MDFIC2: variants seen among roughly 807,000 people sequenced by gnomAD.
MDFIC2 encodes myoD family inhibitor domain-containing protein 2.
At chr3:70,293,240 C>G in intron 2 of MDFIC2, among the ~76,000 whole-genome samples, 1 of 151,778 alleles carries the variant, frequency 6.6e-6, no homozygotes, top group East Asian at 1.9e-4. Flanking sequence ...GAATAATGTT[C>G]TTAAATGCAT....
At chr3:70,296,196 A>C (rs540267501) in intron 2 of MDFIC2, among the ~76,000 whole-genome samples, 128 of 152,314 alleles carry the variant, frequency 8.4e-4, no homozygotes, top group African/African-American at 2.2e-3. Context: ...TACCCATATC[A>C]CTAACCATAG....
chr3:70,246,568 A>G (rs2106646608), intron 2 of MDFIC2, among the ~76,000 whole-genome samples: 1 of 152,222 alleles, frequency 6.6e-6, no homozygotes, highest in East Asian at 1.9e-4. Context: ...ATAATGAATC[A>G]GTTGTTAGTA....
intron 2 of MDFIC2, among the ~76,000 whole-genome samples, chr3:70,256,050 T>A (rs909529857): frequency 1.2e-4 from 18 of 152,332 alleles, no homozygotes; most frequent in African/African-American, 3.8e-4. Flanking sequence ...ATTATTTTTT[T>A]GATACACATA....
At chr3:70,271,533 G>A (rs1269234086) in intron 2 of MDFIC2, among the ~76,000 whole-genome samples, 1 of 152,062 alleles carries the variant, frequency 6.6e-6, no homozygotes, top group East Asian at 1.9e-4. Context: ...CATCACCCTG[G>A]CCTTGCAAAT....
chr3:70,204,747 G>A (rs1471536527), intron 3 of MDFIC2: 1 of 151,768 alleles, frequency 6.6e-6, no homozygotes, highest in African/African-American at 2.4e-5. Context: ...ACAAGAGTTA[G>A]GTGTCATGCT....
chr3:70,243,564 C>T (rs1005585606), intron 2 of MDFIC2, among the ~76,000 whole-genome samples: 5 of 152,224 alleles, frequency 3.3e-5, no homozygotes, highest in Middle Eastern at 3.4e-3. Context: ...TCTGCACTAT[C>T]GTCATTTTGG....
intron 2 of MDFIC2, among the ~76,000 whole-genome samples, chr3:70,292,203 GATA>G (rs1444107097): frequency 2.6e-5 from 4 of 152,288 alleles, no homozygotes; most frequent in African/African-American, 7.2e-5. Flanking sequence ...ATGAATTGGA[GATA>G]ATAATACCAC....
intron 3 of MDFIC2, among the ~76,000 whole-genome samples, chr3:70,199,154 G>A (rs1028055968): frequency 1.3e-5 from 2 of 152,134 alleles, no homozygotes; most frequent in Non-Finnish European, 2.9e-5. Context: ...ATACATGCAA[G>A]GTTAAAAGTT....
chr3:70,285,188 C>A lies in MDFIC2; in HGVS notation c.88+26698G>T, dbSNP rs534544376. Among the ~76,000 whole-genome samples, 166 of 147,404 alleles carry A rather than the reference C, an allele frequency of 1.1e-3. 1 individual carries two copies. The highest frequency in any genetic ancestry group is 4.0e-3 in the African/African-American group (160 of 39,960). ...TGTCATCTAGCATTAGGTATACCTC[C>A]CAATGCTATCCCTCCCCCCTCCCCC... On this transcript the variant is annotated intron_variant, in intron 2 of 3. Transcript: ENST00000567252.
chr3:70,264,403 G>C (rs536961092), intron 2 of MDFIC2, among the ~76,000 whole-genome samples: 82 of 152,224 alleles, frequency 5.4e-4, no homozygotes, highest in African/African-American at 1.9e-3. Context: ...ACAGCAACAG[G>C]GCTTATCCAA....
chr3:70,230,596 GTTTATTA>G (rs1701549106), intron 2 of MDFIC2, among the ~76,000 whole-genome samples: 1 of 152,062 alleles, frequency 6.6e-6, no homozygotes, highest in South Asian at 2.1e-4. Context: ...TCTACTTATT[GTTTATTA>G]TTTAAAAACT....
intron 2 of MDFIC2, among the ~76,000 whole-genome samples, chr3:70,208,382 C>A (rs536170615): frequency 1.3e-5 from 2 of 152,106 alleles, no homozygotes; most frequent in African/African-American, 2.4e-5. Flanking sequence ...CTTTATTTCC[C>A]TTTCCAAGGT....
chr3:70,304,971 G>A (rs892479940), intron 2 of MDFIC2, among the ~76,000 whole-genome samples: 2 of 151,480 alleles, frequency 1.3e-5, no homozygotes, highest in Admixed American at 1.3e-4. Context: ...TGCACAGGCT[G>A]TTCTCTCCAA....
At chr3:70,253,973 A>T (rs1019830974) in intron 2 of MDFIC2, among the ~76,000 whole-genome samples, 2 of 152,212 alleles carry the variant, frequency 1.3e-5, no homozygotes, top group African/African-American at 4.8e-5. Context: ...GGCATAATAT[A>T]GCTAGCTCAG....
At chr3:70,246,279 C>T (rs1038599734) in intron 2 of MDFIC2, among the ~76,000 whole-genome samples, 1 of 152,038 alleles carries the variant, frequency 6.6e-6, no homozygotes, top group Non-Finnish European at 1.5e-5. Context: ...GGATAAAGGT[C>T]ACACTTTGTT....
In MDFIC2 at chr3:70,267,631, T is replaced by C. The variant is rs189544480; in HGVS notation, c.88+44255A>G. On this transcript the variant is annotated intron_variant, in intron 2 of 3. Coordinates refer to ENST00000567252, the MANE Select transcript of MDFIC2 (RefSeq NM_001364677.1). ...CGGGGTTTCACCCTGTTAGCCAGAATGGTCTTGACCTCCTGACCTCGAGGT... is the reference window on the plus strand; with the variant it reads ...CGGGGTTTCACCCTGTTAGCCAGAACGGTCTTGACCTCCTGACCTCGAGGT... 4.1e-5 allele frequency among the ~76,000 whole-genome samples: 6 copies of C among 146,716 alleles called. No homozygotes were observed. The East Asian group carries it at 1.0e-3, about 25-fold the overall frequency.
intron 3 of MDFIC2, chr3:70,204,904 G>A (rs1225808687): frequency 1.3e-5 from 2 of 152,056 alleles, no homozygotes; most frequent in Admixed American, 1.3e-4. Flanking sequence ...CACATGATGA[G>A]TAGCATCCAC....
chr3:70,230,315 T>C (rs952994315), intron 2 of MDFIC2, among the ~76,000 whole-genome samples: 2 of 152,166 alleles, frequency 1.3e-5, no homozygotes, highest in Non-Finnish European at 2.9e-5. Flanking sequence ...AGGAGATTCA[T>C]TTCACTGCAA....
intron 3 of MDFIC2, among the ~76,000 whole-genome samples, chr3:70,200,385 C>A (rs1171191800): frequency 6.6e-6 from 1 of 152,166 alleles, no homozygotes; most frequent in Non-Finnish European, 1.5e-5. Context: ...ACTTCTGGAC[C>A]TACTTTACTT....
Sources: allele counts gnomAD v4.1 joint callset (sites outside exome capture counted in the v4.1 genomes callset), GRCh38; gene constraint gnomAD v4.1.1; transcripts MANE v1.5; gene names NCBI Gene and HGNC (gene_info 2026-07-23, HGNC 2026-07-21).